MAP3K4: variants seen among roughly 807,000 people sequenced by gnomAD.
The protein encoded by MAP3K4 is mitogen-activated protein kinase kinase kinase 4.
A neutral mutation model predicts 185.6 loss-of-function variants in MAP3K4; 67 were observed. The observed-to-expected ratio is 0.36, with a 90% CI of 0.30 to 0.44. The LOEUF is 0.44. MAP3K4 is among the 20% of genes least tolerant of loss of function. The probability of loss-of-function intolerance (pLI) is 1.00; values close to 1 mark genes in which losing one functional copy is unlikely to be tolerated. For synonymous variants in MAP3K4, 702 were observed against 710.4 expected, an observed-to-expected ratio of 0.99 and a Z score of 0.19; for missense variants, 1,551 against 1,995.1, an observed-to-expected ratio of 0.78 and a Z score of 4.24.
Position 161,109,118 on chromosome 6 carries a change from A to G in MAP3K4, c.4236+259A>G. 9.8e-7 allele frequency: 1 copy of G among 1,022,242 alleles called. No homozygotes were observed. Among genetic ancestry groups the G allele is most frequent in the Non-Finnish European group, 1.4e-6 (1 of 693,670 alleles). 63.3% of individuals were successfully genotyped at this position (1,022,242 alleles called of 1,614,324 possible). On this transcript the variant is annotated intron_variant, in intron 22 of 26. Transcript: ENST00000392142. The surrounding 1 kb of genome is among the most constrained non-coding windows in gnomAD (Gnocchi z 5.7). ...ATCCTGCCATTCAGAAGATTCTTCT[A>G]AAACGCCCCTTACACCACTTCTTGT...
At chr6:161,018,675 A>G (rs1782227145) in intron 1 of MAP3K4, among the ~76,000 whole-genome samples, 2 of 152,246 alleles carry the variant, frequency 1.3e-5, no homozygotes, top group African/African-American at 2.4e-5. Flanking sequence ...TCCAACATCT[A>G]ATCAAAATAT....
At chr6:161,079,541 C>T (rs968303211) in intron 5 of MAP3K4, among the ~76,000 whole-genome samples, 4 of 152,194 alleles carry the variant, frequency 2.6e-5, no homozygotes, top group African/African-American at 4.8e-5. Context: ...CGTGCCATTG[C>T]ACTCCAGCCT....
chr6:161,053,920 T>C lies in MAP3K4; in HGVS notation c.1707+3941T>C, dbSNP rs947136769. 2.6e-5 allele frequency among the ~76,000 whole-genome samples: 4 copies of C among 152,068 alleles called. No individual in the cohort carries two copies. Among genetic ancestry groups the C allele is most frequent in the African/African-American group, 9.7e-5 (4 of 41,416 alleles). On this transcript the variant is annotated intron_variant, in intron 3 of 26. Coordinates refer to ENST00000392142, the MANE Select transcript of MAP3K4 (RefSeq NM_005922.4). The surrounding 1 kb of genome is among the most constrained non-coding windows in gnomAD (Gnocchi z 4.2). ...GTGTTTTTGTTCTTAATTGTTAAAATATCTGAACTGACAAGGTACCACAGA... is the reference window on the plus strand; with the variant it reads ...GTGTTTTTGTTCTTAATTGTTAAAACATCTGAACTGACAAGGTACCACAGA...
chr6:161,023,117 A>G (rs1024686827), intron 1 of MAP3K4, among the ~76,000 whole-genome samples: 3 of 152,200 alleles, frequency 2.0e-5, no homozygotes, highest in African/African-American at 4.8e-5. Flanking sequence ...TAACTAGTAC[A>G]GAATTTTTCA....
intron 25 of MAP3K4, among the ~76,000 whole-genome samples, chr6:161,113,234 C>T (rs1477039882): frequency 1.3e-5 from 2 of 152,150 alleles, no homozygotes; most frequent in Admixed American, 6.6e-5. Context: ...CATGGAGGAA[C>T]CTTCAATGCA....
At chr6:161,026,415 A>C (rs149851855) in intron 1 of MAP3K4, among the ~76,000 whole-genome samples, 7 of 151,978 alleles carry the variant, frequency 4.6e-5, no homozygotes, top group East Asian at 1.9e-4. Flanking sequence ...GATTACAGGC[A>C]TGAGCCACCG....
At position 161,017,855 on chromosome 6, in the gene MAP3K4, G is replaced by A. The variant is rs1233054211; in HGVS notation, c.153-16404G>A. Among the ~76,000 whole-genome samples the A allele has an allele frequency of 6.6e-6, 1 of 152,148 alleles. No individual in the cohort carries two copies. Among genetic ancestry groups the A allele is most frequent in the Non-Finnish European group, 1.5e-5 (1 of 68,046 alleles). On this transcript the variant is annotated intron_variant, in intron 1 of 26. Coordinates refer to ENST00000392142, the MANE Select transcript of MAP3K4 (RefSeq NM_005922.4). The surrounding 1 kb of genome is among the most constrained non-coding windows in gnomAD (Gnocchi z 5.1). ...CTGGTTTTCCCAAATGTGTGATGAA[G>A]CTGATTGTGCGTTATGTTATTATAA...
In MAP3K4 at chr6:161,034,836, A is replaced by G. The variant is rs1362254335; in HGVS notation, c.343+387A>G. Reference sequence around the variant, plus strand: ...TGGTGTATTGGGGATTTGAGGAGAGACAGAGCCAGGCTGTCTTCCCCTGGA... The same window carrying G: ...TGGTGTATTGGGGATTTGAGGAGAGGCAGAGCCAGGCTGTCTTCCCCTGGA... On this transcript the variant is annotated intron_variant, in intron 2 of 26. Coordinates refer to ENST00000392142, the MANE Select transcript of MAP3K4 (RefSeq NM_005922.4). The surrounding 1 kb of genome is among the most constrained non-coding windows in gnomAD (Gnocchi z 4.4). Among the ~76,000 whole-genome samples, 3 of 152,074 alleles carry G rather than the reference A, an allele frequency of 2.0e-5. No homozygotes were observed. The highest frequency in any genetic ancestry group is 4.4e-5 in the Non-Finnish European group (3 of 68,010).
chr6:161,066,119 T>A (rs1440059515), intron 3 of MAP3K4, among the ~76,000 whole-genome samples: 1 of 152,112 alleles, frequency 6.6e-6, no homozygotes, highest in Non-Finnish European at 1.5e-5. Context: ...TTGTTTGCTA[T>A]TTTTCTTTCC....
chr6:161,045,089 G>A (rs1432638318), intron 2 of MAP3K4, among the ~76,000 whole-genome samples: 1 of 152,070 alleles, frequency 6.6e-6, no homozygotes, highest in African/African-American at 2.4e-5. Flanking sequence ...TAGAGTAATT[G>A]GTATATCCTT....
chr6:161,092,078 C>T lies in MAP3K4; in HGVS notation c.3204C>T (p.Ser1068=). Residue 1068 remains serine (S), a synonymous_variant, in exon 13 of 27, where the codon AGC becomes AGT. Transcript: ENST00000392142. ...AGAAGATAGGAGACAAATATATAAG[C>T]TTTGCCCGGAAGTGGATGAATTATG... is the stretch of plus-strand genomic sequence containing the variant. ...FRQKIGDKYI[S]FARKWMNYVL... is the part of the protein sequence containing the mutation. The T allele has an allele frequency of 1.2e-6, 2 of 1,613,768 alleles. No homozygotes were observed. The highest frequency in any genetic ancestry group is 1.7e-6 in the Non-Finnish European group (2 of 1,179,804).
rs1778124968 is a variant in MAP3K4 at position 161,107,248 on chromosome 6, A to G, written c.4048+543A>G. Among the ~76,000 whole-genome samples the G allele has an allele frequency of 6.6e-6, 1 of 152,170 alleles. No homozygotes were observed. The highest frequency in any genetic ancestry group is 1.5e-5 in the Non-Finnish European group (1 of 68,032). ...TTTCAGATCCTTTCCCCACTTAAAT[A>G]TATTTATCTGTCACACATCTAGGTC... On this transcript the variant is annotated intron_variant, in intron 20 of 26. Transcript: ENST00000392142. This position sits in a 1 kb window ranked among gnomAD's most constrained non-coding sequence, Gnocchi z 6.2.
At chr6:161,062,225 T>C (rs1258422944) in intron 3 of MAP3K4, among the ~76,000 whole-genome samples, 1 of 152,204 alleles carries the variant, frequency 6.6e-6, no homozygotes, top group Non-Finnish European at 1.5e-5. Flanking sequence ...TAAAGTTTCA[T>C]TTGAAGTAAT....
intron 3 of MAP3K4, among the ~76,000 whole-genome samples, chr6:161,050,745 T>C (rs1007701485): frequency 3.9e-5 from 6 of 152,226 alleles, no homozygotes; most frequent in Non-Finnish European, 8.8e-5. Context: ...GAGTCCAAAA[T>C]AGTACTGTAC....
Position 161,108,761 on chromosome 6 carries a change from G to T in MAP3K4, c.4138G>T (p.Asp1380Tyr). 6.2e-7 allele frequency: 1 copy of T among 1,612,502 alleles called. No individual in the cohort carries two copies. Among genetic ancestry groups the T allele is most frequent in the South Asian group, 1.1e-5 (1 of 91,000 alleles). The change falls in exon 22 of 27, where the codon GAC (aspartate) becomes TAC (tyrosine). Residue 1380 changes from aspartate (D) to tyrosine (Y), a missense_variant. Physicochemically the swap from Asp to Tyr is radical, Grantham distance 160 (BLOSUM62 -3). Coordinates refer to ENST00000392142, the MANE Select transcript of MAP3K4 (RefSeq NM_005922.4). The surrounding 1 kb of genome is among the most constrained non-coding windows in gnomAD (Gnocchi z 5.7). ...TTTACAGATTCGATTTCAACCTAAT[G>T]ACCATAAGACTATCAAGGAAACTGC... is the stretch of plus-strand genomic sequence containing the variant. ...AMKEIRFQPNDHKTIKETADE... is the reference protein window; with the variant it reads ...AMKEIRFQPNYHKTIKETADE...
In MAP3K4 at chr6:161,077,564, G is replaced by A. The variant is rs556875539; in HGVS notation, c.2098-3317G>A. On this transcript the variant is annotated intron_variant, in intron 5 of 26. Coordinates refer to ENST00000392142, the MANE Select transcript of MAP3K4 (RefSeq NM_005922.4). The surrounding 1 kb of genome is among the most constrained non-coding windows in gnomAD (Gnocchi z 4.3). ...CAGCTGCAGGTGGAGAGTAGGCTGG[G>A]GGTCCAGAGCAGATGTGAGAGGAAC... Among the ~76,000 whole-genome samples the A allele has an allele frequency of 6.6e-6, 1 of 152,320 alleles. No individual in the cohort carries two copies. The highest frequency in any genetic ancestry group is 6.5e-5 in the Admixed American group (1 of 15,308).
intron 13 of MAP3K4, 77 bp from the exon 14 acceptor site, chr6:161,092,901 T>C: frequency 1.2e-6 from 1 of 807,728 alleles, no homozygotes; most frequent in African/African-American, 1.7e-5. Flanking sequence ...TATGTTACTT[T>C]TCAGTATTGT....
chr6:161,024,822 G>T (rs962434580), intron 1 of MAP3K4, among the ~76,000 whole-genome samples: 2 of 152,198 alleles, frequency 1.3e-5, no homozygotes, highest in African/African-American at 4.8e-5. Context: ...TGTCACCAGA[G>T]TGTAGCCCAC....
intron 1 of MAP3K4, among the ~76,000 whole-genome samples, chr6:161,020,656 TAA>T (rs775816898): frequency 1.8e-4 from 17 of 96,440 alleles, no homozygotes; most frequent in African/African-American, 3.5e-4. Context: ...AGACTCTGTC[TAA>T]AAAAAAAAAA....
Sources: gnomAD v4.1 joint callset for allele counts (sites outside exome capture counted in the v4.1 genomes callset) on GRCh38, gnomAD v4.1.1 for gene constraint, Gnocchi (gnomAD v3.1) non-coding constraint, MANE v1.5 for transcripts, NCBI Gene and HGNC (gene_info 2026-07-23, HGNC 2026-07-21) for gene names.